Variants in CERS6 observed in about 807,000 individuals in gnomAD.
CERS6 encodes the protein ceramide synthase 6.
A neutral mutation model predicts 56.8 loss-of-function variants in CERS6; 26 were observed. That is an observed-to-expected ratio of 0.46 (90% CI 0.34 to 0.63). The LOEUF is 0.63. Ranked by LOEUF, CERS6 falls within the 30% of genes least tolerant of loss-of-function variation. The probability of loss-of-function intolerance (pLI) is 0.01; values close to 1 mark genes in which losing one functional copy is unlikely to be tolerated. For synonymous variants in CERS6, 164 were observed against 173.3 expected, an observed-to-expected ratio of 0.95 and a Z score of 0.42; for missense variants, 415 against 467.5, an observed-to-expected ratio of 0.89 and a Z score of 1.04.
intron 1 of CERS6, among the ~76,000 whole-genome samples, chr2:168,494,878 G>A (rs1023112741): frequency 6.6e-6 from 1 of 152,108 alleles, no homozygotes; most frequent in Non-Finnish European, 1.5e-5. Context: ...TGCATTCTGT[G>A]GGGTGGGCCA....
chr2:168,648,672 T>C (rs573687647), intron 4 of CERS6, among the ~76,000 whole-genome samples: 7 of 152,230 alleles, frequency 4.6e-5, no homozygotes, highest in Non-Finnish European at 1.0e-4. Context: ...TGCTATGAGT[T>C]TCTCTCTTAA....
intron 4 of CERS6, among the ~76,000 whole-genome samples, chr2:168,677,121 C>G (rs1403502279): frequency 6.6e-6 from 1 of 150,924 alleles, no homozygotes; most frequent in African/African-American, 2.4e-5. Context: ...CTGCACCCAT[C>G]AACCCATCAT....
At chr2:168,672,700 TC>T (rs113882671) in intron 4 of CERS6, among the ~76,000 whole-genome samples, 2,459 of 152,318 alleles carry the variant, frequency 0.016, 67 homozygotes, top group African/African-American at 0.056. Context: ...CTCTCTTGAT[TC>T]ATTCAGAGAG....
chr2:168,637,021 A>G (rs1684875699), intron 4 of CERS6, among the ~76,000 whole-genome samples: 1 of 152,174 alleles, frequency 6.6e-6, no homozygotes, highest in Admixed American at 6.5e-5. Flanking sequence ...TATCCTAACT[A>G]ATGGCTTTCA....
chr2:168,677,368 A>G (rs1424628381), intron 4 of CERS6, among the ~76,000 whole-genome samples: 1 of 152,172 alleles, frequency 6.6e-6, no homozygotes, highest in African/African-American at 2.4e-5. Flanking sequence ...TTTATACTGC[A>G]TAGTATTCCA....
intron 3 of CERS6, among the ~76,000 whole-genome samples, chr2:168,578,431 C>T (rs1469017882): frequency 6.6e-6 from 1 of 152,104 alleles, no homozygotes; most frequent in African/African-American, 2.4e-5. Flanking sequence ...TTCTAAACTC[C>T]CTTCTCTCCT....
chr2:168,559,247 A>G (rs1695740705), intron 2 of CERS6, among the ~76,000 whole-genome samples: 2 of 151,730 alleles, frequency 1.3e-5, no homozygotes, highest in South Asian at 4.2e-4. Context: ...AATAACGTTT[A>G]TAGGCACAAG....
intron 4 of CERS6, among the ~76,000 whole-genome samples, chr2:168,683,535 G>T (rs1005303504): frequency 1.3e-5 from 2 of 151,930 alleles, no homozygotes; most frequent in African/African-American, 2.4e-5. Context: ...CTTCTTAATA[G>T]CCACTGTCAC....
chr2:168,612,336 A>G lies in CERS6; in HGVS notation c.408-18649A>G, dbSNP rs149480310. 3.8e-3 allele frequency among the ~76,000 whole-genome samples: 578 copies of G among 152,334 alleles called. 3 individuals carry two copies. Among genetic ancestry groups the G allele is most frequent in the African/African-American group, 0.013 (553 of 41,584 alleles). On this transcript the variant is annotated intron_variant, in intron 3 of 9. Coordinates refer to ENST00000305747, the MANE Select transcript of CERS6 (RefSeq NM_203463.3). ...GAAAATTTCCAACTGATTGTTGGTC[A>G]CTTAAAGGATGACTAATAACATATG...
At chr2:168,713,956 G>A in intron 6 of CERS6, among the ~76,000 whole-genome samples, 1 of 152,090 alleles carries the variant, frequency 6.6e-6, no homozygotes, top group Non-Finnish European at 1.5e-5. Flanking sequence ...CATTTGGGCT[G>A]CTGTGGCAAA....
intron 1 of CERS6, among the ~76,000 whole-genome samples, chr2:168,519,032 CATA>C (rs1214144501): frequency 2.6e-5 from 4 of 152,182 alleles, no homozygotes; most frequent in Non-Finnish European, 5.9e-5. Context: ...TGAGTTGAGT[CATA>C]ATATGTTTCA....
At chr2:168,641,068 T>C (rs1024845875) in intron 4 of CERS6, among the ~76,000 whole-genome samples, 4 of 152,118 alleles carry the variant, frequency 2.6e-5, no homozygotes, top group Admixed American at 1.3e-4. Context: ...TAAAATTACA[T>C]CCTTAATCCT....
At chr2:168,637,042 C>G (rs1018606667) in intron 4 of CERS6, among the ~76,000 whole-genome samples, 2 of 152,210 alleles carry the variant, frequency 1.3e-5, no homozygotes, top group African/African-American at 4.8e-5. Flanking sequence ...GCTCATATCC[C>G]ATAATTCAGT....
chr2:168,473,213 AT>A (rs34541681), intron 1 of CERS6, among the ~76,000 whole-genome samples: 117 of 151,140 alleles, frequency 7.7e-4, no homozygotes, highest in Non-Finnish European at 1.4e-3. Flanking sequence ...GGTTTTATTA[AT>A]TTTTTTCACA....
intron 1 of CERS6, among the ~76,000 whole-genome samples, chr2:168,507,178 T>C (rs1184304615): frequency 6.6e-6 from 1 of 152,186 alleles, no homozygotes; most frequent in Non-Finnish European, 1.5e-5. Flanking sequence ...TTCTTCTATA[T>C]AACCAGTATA....
At chr2:168,513,312 A>T (rs543458946) in intron 1 of CERS6, among the ~76,000 whole-genome samples, 1 of 152,326 alleles carries the variant, frequency 6.6e-6, no homozygotes, top group Admixed American at 6.5e-5. Flanking sequence ...TTATTAAATG[A>T]CTTTCATACT....
At chr2:168,679,809 A>G (rs1018928090) in intron 4 of CERS6, among the ~76,000 whole-genome samples, 1 of 152,204 alleles carries the variant, frequency 6.6e-6, no homozygotes, top group African/African-American at 2.4e-5. Flanking sequence ...CATCAAGAAA[A>G]GGGCCAATAA....
At chr2:168,643,376 C>A (rs1390776864) in intron 4 of CERS6, among the ~76,000 whole-genome samples, 1 of 152,090 alleles carries the variant, frequency 6.6e-6, no homozygotes, top group African/African-American at 2.4e-5. Context: ...TGGGGCTAGG[C>A]AGGAAAATGA....
chr2:168,600,666 T>C (rs540632983), intron 3 of CERS6, among the ~76,000 whole-genome samples: 5 of 152,310 alleles, frequency 3.3e-5, no homozygotes, highest in African/African-American at 7.2e-5. Context: ...ATTTACCTTG[T>C]GTGTTTTCCT....
Sources: allele counts gnomAD v4.1 joint callset (sites outside exome capture counted in the v4.1 genomes callset), GRCh38; gene constraint gnomAD v4.1.1; transcripts MANE v1.5; gene names NCBI Gene and HGNC (gene_info 2026-07-23, HGNC 2026-07-21).